The following SKIL variants were observed in gnomAD, a reference collection of about 807,000 sequenced individuals.
The protein encoded by SKIL is ski-like protein.
In SKIL, 20 loss-of-function variants were observed where a neutral mutation model predicts 69.6. The observed-to-expected ratio is 0.29, with a 90% CI of 0.20 to 0.42. SKIL has a LOEUF of 0.42. Ranked by LOEUF, SKIL falls within the 10% of genes least tolerant of loss-of-function variation. SKIL has a pLI of 1.00. For missense variants in SKIL, 745 were observed against 783.1 expected, an observed-to-expected ratio of 0.95 and a Z score of 0.58; for synonymous variants, 310 against 279.9, an observed-to-expected ratio of 1.11 and a Z score of -1.08.
intron 2 of SKIL, among the ~76,000 whole-genome samples, chr3:170,378,612 C>T (rs1187836996): frequency 4.6e-5 from 6 of 131,082 alleles, no homozygotes; most frequent in Non-Finnish European, 6.2e-5. Context: ...AGTGCAGTGG[C>T]GCGAACTCAG....
At position 170,396,042 on chromosome 3, in the gene SKIL, G is replaced by A. The variant is rs912203114; in HGVS notation, c.*3625G>A. The A allele has an allele frequency of 6.4e-5, 8 of 125,854 alleles. No homozygotes were observed. Among genetic ancestry groups the A allele is most frequent in the African/African-American group, 2.1e-4 (7 of 33,430 alleles). 7.8% of individuals were successfully genotyped at this position (125,854 alleles called of 1,614,324 possible). ...TTTTTTTTTTGTAAATCCATTCATT[G>A]AAATGGTTTCTAAACTGTATAATGT... On this transcript the variant is annotated 3_prime_UTR_variant, in exon 7 of 7. Coordinates refer to ENST00000259119, the MANE Select transcript of SKIL (RefSeq NM_005414.5).
rs765110612 is a variant in SKIL at position 170,392,259 on chromosome 3, T to C, written c.1897T>C (p.Leu633=). Residue 633 remains leucine, a splice_region_variant and synonymous_variant, in exon 7 of 7, where the codon TTG becomes CTG. Transcript: ENST00000259119. ...KDKEAEYAGQ[L]AELRQRLDHA... is the part of the protein sequence containing the mutation. ...TGATAGCGCCTTTTAAATCACATAGTTGGCAGAACTGAGGCAGAGATTGGA... is the reference window on the plus strand; with the variant it reads ...TGATAGCGCCTTTTAAATCACATAGCTGGCAGAACTGAGGCAGAGATTGGA... 6.3e-7 allele frequency: 1 copy of C among 1,585,620 alleles called. No individual in the cohort carries two copies. Among genetic ancestry groups the C allele is most frequent in the Non-Finnish European group, 8.5e-7 (1 of 1,170,096 alleles).
At chr3:170,364,197 C>A (rs533620077) in intron 2 of SKIL, among the ~76,000 whole-genome samples, 1 of 152,130 alleles carries the variant, frequency 6.6e-6, no homozygotes, top group East Asian at 1.9e-4. Context: ...AGGCAATGCG[C>A]CTGTCTCTGC....
chr3:170,380,395 C>T lies in SKIL; in HGVS notation c.1099-849C>T, dbSNP rs544201602. On this transcript the variant is annotated intron_variant, in intron 2 of 6. Transcript: ENST00000259119. Reference sequence around the variant, plus strand: ...CAGTGGCTCATGCCTGTAATCCCTGCACTTTGGGAGGCTGAGGAGCAGGGA... The same window carrying T: ...CAGTGGCTCATGCCTGTAATCCCTGTACTTTGGGAGGCTGAGGAGCAGGGA... Among the ~76,000 whole-genome samples the T allele has an allele frequency of 3.3e-5, 5 of 152,224 alleles. No individual in the cohort carries two copies. In the South Asian group the frequency reaches 1.0e-3, roughly 32 times the overall value.
chr3:170,387,606 G>A (rs1166209114), intron 4 of SKIL, among the ~76,000 whole-genome samples: 1 of 151,676 alleles, frequency 6.6e-6, no homozygotes, highest in Non-Finnish European at 1.5e-5. Context: ...TTTGCATTGG[G>A]TCTACTTTTT....
chr3:170,387,583 C>A (rs922775842), intron 4 of SKIL, among the ~76,000 whole-genome samples: 3 of 151,694 alleles, frequency 2.0e-5, no homozygotes, highest in African/African-American at 7.2e-5. Context: ...TTTATTCCTT[C>A]GTCAGTCGGA....
Position 170,360,177 on chromosome 3 carries a change from T to G in SKIL, c.-155T>G. On this transcript the variant is annotated 5_prime_UTR_variant, in exon 2 of 7. Coordinates refer to ENST00000259119, the MANE Select transcript of SKIL (RefSeq NM_005414.5). ...GATTATAAGGAGAACCAAAACTAAG[T>G]CGCAAAATTTATTAATTTAAGGGGC... 4 of 690,232 alleles carry G rather than the reference T, an allele frequency of 5.8e-6. No homozygotes were observed. Among genetic ancestry groups the G allele is most frequent in the Non-Finnish European group, 9.4e-6 (4 of 423,446 alleles). 42.8% of individuals were successfully genotyped at this position (690,232 alleles called of 1,614,324 possible).
At chr3:170,370,119 G>C (rs912691461) in intron 2 of SKIL, among the ~76,000 whole-genome samples, 18 of 151,984 alleles carry the variant, frequency 1.2e-4, no homozygotes, top group African/African-American at 3.4e-4. Flanking sequence ...GGCGCCTGTA[G>C]TCCCAGCTAC....
rs1738072165 is a variant in SKIL at position 170,394,141 on chromosome 3, T to C, written c.*1724T>C. The stretch of plus-strand genomic sequence containing the variant: ...TTTTTTTTTTTTTTTTTTTTTTTTT[T>C]TTTTTGAGACAGAGTCTCGCTGTCT... On this transcript the variant is annotated 3_prime_UTR_variant, in exon 7 of 7. Coordinates refer to ENST00000259119, the MANE Select transcript of SKIL (RefSeq NM_005414.5). 1 of 119,386 alleles carries C rather than the reference T, an allele frequency of 8.4e-6. No individual in the cohort carries two copies. Among genetic ancestry groups the C allele is most frequent in the Non-Finnish European group, 1.8e-5 (1 of 55,816 alleles). The allele number at this position is 119,386 out of a possible 1,614,324, so 7.4% of individuals were successfully genotyped here. A position where few individuals can be genotyped will look rare whatever the true frequency, so the allele number is the denominator to read the frequency against.
intron 4 of SKIL, among the ~76,000 whole-genome samples, chr3:170,389,581 T>G (rs1328096124): frequency 6.6e-6 from 1 of 152,330 alleles, no homozygotes; most frequent in East Asian, 1.9e-4. Flanking sequence ...CCCAAAGTGC[T>G]GGGATTACAG....
rs1197997270 is a variant in SKIL, at chr3:170,396,724, C to CT, written c.*4308dup. Reference sequence around the variant, plus strand: ...TTATTGAAACATGACATACTGTGCTCTGAGCTTATACCTCAATTGTATTTT... The same window carrying CT: ...TTATTGAAACATGACATACTGTGCTCTTGAGCTTATACCTCAATTGTATTTT... On this transcript the variant is annotated 3_prime_UTR_variant, in exon 7 of 7. Transcript: ENST00000259119. 1.1e-4 allele frequency: 17 copies of CT among 152,324 alleles called. No individual in the cohort carries two copies. Among genetic ancestry groups the CT allele is most frequent in the African/African-American group, 3.6e-4 (15 of 41,582 alleles). The allele number at this position is 152,324 out of a possible 1,614,324, so 9.4% of individuals were successfully genotyped here. A position where few individuals can be genotyped will look rare whatever the true frequency, so the allele number is the denominator to read the frequency against.
At chr3:170,378,968 C>G (rs953931052) in intron 2 of SKIL, among the ~76,000 whole-genome samples, 3 of 152,024 alleles carry the variant, frequency 2.0e-5, no homozygotes, top group Admixed American at 6.6e-5. Context: ...CCTCCGCCTC[C>G]TGGGTTCAAG....
intron 4 of SKIL, among the ~76,000 whole-genome samples, chr3:170,388,804 G>A (rs1737770572): frequency 6.6e-6 from 1 of 151,774 alleles, no homozygotes; most frequent in Non-Finnish European, 1.5e-5. Flanking sequence ...TCTTGTTTTA[G>A]GTATCATATC....
At chr3:170,378,849 T>TTTTATTTA (rs72498372) in intron 2 of SKIL, among the ~76,000 whole-genome samples, 56 of 142,744 alleles carry the variant, frequency 3.9e-4, no homozygotes, top group African/African-American at 1.3e-3. Flanking sequence ...TTGGAGCTTC[T>TTTTATTTA]TTTATTTATT....
chr3:170,375,576 T>C (rs1362313850), intron 2 of SKIL, among the ~76,000 whole-genome samples: 2 of 152,144 alleles, frequency 1.3e-5, no homozygotes, highest in African/African-American at 2.4e-5. Context: ...TTTATATTTT[T>C]TTCTTTTTCT....
chr3:170,363,836 A>G (rs1736360031), intron 2 of SKIL, among the ~76,000 whole-genome samples: 1 of 151,448 alleles, frequency 6.6e-6, no homozygotes, highest in Non-Finnish European at 1.5e-5. Context: ...TCAGTGTAGA[A>G]CTTGCTTACA....
At chr3:170,363,863 G>C (rs972799791) in intron 2 of SKIL, among the ~76,000 whole-genome samples, 1 of 151,970 alleles carries the variant, frequency 6.6e-6, no homozygotes, top group South Asian at 2.1e-4. Flanking sequence ...CTTGTCCCGT[G>C]CTGAAGTTTG....
chr3:170,363,677 G>C (rs1249989036), intron 2 of SKIL, among the ~76,000 whole-genome samples: 1 of 151,986 alleles, frequency 6.6e-6, no homozygotes, highest in Non-Finnish European at 1.5e-5. Context: ...GCAGAGACTG[G>C]TTTCGCCATG....
Position 170,360,235 on chromosome 3 carries a change from T to A in SKIL, c.-97T>A. On this transcript the variant is annotated 5_prime_UTR_variant, in exon 2 of 7. Coordinates refer to ENST00000259119, the MANE Select transcript of SKIL (RefSeq NM_005414.5). Reference sequence around the variant, plus strand: ...TTGAAAGTTTGAGAGTAAGTTACGATAGGCATTTGTATCCATTCATTACTT... The same window carrying A: ...TTGAAAGTTTGAGAGTAAGTTACGAAAGGCATTTGTATCCATTCATTACTT... 1 of 1,174,554 alleles carries A rather than the reference T, an allele frequency of 8.5e-7. No individual in the cohort carries two copies. Among genetic ancestry groups the A allele is most frequent in the Non-Finnish European group, 1.2e-6 (1 of 844,482 alleles). The allele number at this position is 1,174,554 out of a possible 1,614,324, so 72.8% of individuals were successfully genotyped here. A position where few individuals can be genotyped will look rare whatever the true frequency, so the allele number is the denominator to read the frequency against.
Sources: gnomAD v4.1 joint callset for allele counts (sites outside exome capture counted in the v4.1 genomes callset) on GRCh38, gnomAD v4.1.1 for gene constraint, MANE v1.5 for transcripts, NCBI Gene and HGNC (gene_info 2026-07-23, HGNC 2026-07-21) for gene names.